Variants in HAUS3 observed in about 807,000 individuals in gnomAD.
The protein encoded by HAUS3 is HAUS augmin-like complex subunit 3.
Under a neutral mutation model 55.2 loss-of-function variants are expected in HAUS3, and 36 were observed. That is an observed-to-expected ratio of 0.65 (90% CI 0.50 to 0.86). HAUS3 has a LOEUF of 0.86. HAUS3 is among the 40% of genes least tolerant of loss of function. HAUS3 has a pLI of 0.00. For synonymous variants in HAUS3, 234 were observed against 238.6 expected (o/e 0.98, Z 0.18); for missense variants, 752 against 671.5 (o/e 1.12, Z -1.33).
At position 2,231,871 on chromosome 4, in the gene HAUS3, C is replaced by G. The variant is rs1734590031; in HGVS notation, c.*56G>C. On this transcript the variant is annotated 3_prime_UTR_variant, in exon 6 of 6. Transcript: ENST00000443786. ...AAAATTTAGTAGTGTTTATTATACA[C>G]AGTCTTCTAATAAATAAAAGAGGAC... The G allele has an allele frequency of 1.3e-6, 1 of 760,150 alleles. No individual in the cohort carries two copies. Among genetic ancestry groups the G allele is most frequent in the African/African-American group, 1.8e-5 (1 of 55,088 alleles). 47.1% of individuals were successfully genotyped at this position (760,150 alleles called of 1,614,324 possible).
rs1288211138 is a variant in HAUS3 at position 2,240,866 on chromosome 4, A to G, written c.81T>C (p.Phe27=). 1 of 1,612,024 alleles carries G rather than the reference A, an allele frequency of 6.2e-7. No individual in the cohort carries two copies. Among genetic ancestry groups the G allele is most frequent in the East Asian group, 2.2e-5 (1 of 44,886 alleles). Residue 27 remains phenylalanine (F), a synonymous_variant, in exon 3 of 6, where the codon TTT becomes TTC. Transcript: ENST00000443786. ...CTTCAACGCCCTCAAACAACCAGTCAAAGTCTTCTCCATTAAGATTATCAG... is the reference window on the plus strand; with the variant it reads ...CTTCAACGCCCTCAAACAACCAGTCGAAGTCTTCTCCATTAAGATTATCAG... The part of the protein sequence containing the change: ...PKADNLNGED[F]DWLFEGVEDE...
chr4:2,239,853 C>CA (rs1734906426), intron 3 of HAUS3, among the ~76,000 whole-genome samples, 185 bp downstream of exon 3: 2 of 152,180 alleles, frequency 1.3e-5, no homozygotes, highest in Admixed American at 6.5e-5. Context: ...TATTGCTGCC[C>CA]TCCATTAACG....
In HAUS3 at chr4:2,229,067, AAGAG is replaced by A; in HGVS notation, c.*2856_*2859del. The A allele has an allele frequency of 6.5e-7, 1 of 1,550,218 alleles. No individual in the cohort carries two copies. The highest frequency in any genetic ancestry group is 8.8e-7 in the Non-Finnish European group (1 of 1,134,826). ...TAGAACAATTAACATTCAAAGTATC[AAGAG>A]AAAGAAAGGTTCATAAAAATTACTT... On this transcript the variant is annotated 3_prime_UTR_variant, in exon 6 of 6. Transcript: ENST00000443786.
chr4:2,238,944 G>A lies in HAUS3; in HGVS notation c.1009C>T (p.Pro337Ser). The A allele has an allele frequency of 6.2e-7, 1 of 1,603,896 alleles. No homozygotes were observed. The highest frequency in any genetic ancestry group is 8.5e-7 in the Non-Finnish European group (1 of 1,175,220). ...EVTQIKDRSL[P>S]AVVRENAQLL... The stretch of plus-strand genomic sequence containing the variant: ...TGGGCATTCTCTCTTACCACAGCAG[G>A]TAAACTTCTGTCTTTTATTTGAGTG... The change falls in exon 4 of 6, where the codon CCT (proline) becomes TCT (serine). Residue 337 changes from proline (P) to serine (S), a missense_variant. Pro to Ser is a moderately conservative substitution (Grantham distance 74, BLOSUM62 -1). Transcript: ENST00000443786.
In HAUS3 at chr4:2,240,608, C is replaced by A. The variant is rs1734947539; in HGVS notation, c.339G>T (p.Lys113Asn). Residue 113 changes from lysine (K) to asparagine (N), a missense_variant, in exon 3 of 6, where the codon AAG (lysine) becomes AAT (asparagine). Lys to Asn is a moderately conservative substitution (Grantham distance 94). Coordinates refer to ENST00000443786, the MANE Select transcript of HAUS3 (RefSeq NM_001303143.2). ...EDEVQTLLKL[K>N]NLKIQRRNKC... is the part of the protein sequence containing the mutation. ...TATTACGTCGCTGAATTTTTAGGTT[C>A]TTTAATTTCAGTAGAGTTTGAACCT... 2 of 1,612,882 alleles carry A rather than the reference C, an allele frequency of 1.2e-6. No individual in the cohort carries two copies. Among genetic ancestry groups the A allele is most frequent in the African/African-American group, 1.3e-5 (1 of 74,762 alleles).
chr4:2,237,059 C>A (rs1734792046), intron 4 of HAUS3, among the ~76,000 whole-genome samples: 1 of 151,994 alleles, frequency 6.6e-6, no homozygotes, highest in African/African-American at 2.4e-5. Flanking sequence ...AGATATAAAA[C>A]TCTTCTTAAC....
Position 2,228,996 on chromosome 4 carries a change from T to C in HAUS3, c.*2931A>G. ...GAATGAGTGTAAAAGGGGCGGGAGC[T>C]GGGCTTCATCTGTCTACATGCATTC... On this transcript the variant is annotated 3_prime_UTR_variant, in exon 6 of 6. Coordinates refer to ENST00000443786, the MANE Select transcript of HAUS3 (RefSeq NM_001303143.2). 2 of 1,170,648 alleles carry C rather than the reference T, an allele frequency of 1.7e-6. No homozygotes were observed. The highest frequency in any genetic ancestry group is 1.2e-6 in the Non-Finnish European group (1 of 837,176). The allele number at this position is 1,170,648 out of a possible 1,614,324, so 72.5% of individuals were successfully genotyped here.
In HAUS3 at chr4:2,240,031, T is replaced by A. The variant is rs761194299; in HGVS notation, c.909+7A>T. On this transcript the variant is annotated splice_region_variant and intron_variant, in intron 3 of 5. Coordinates refer to ENST00000443786, the MANE Select transcript of HAUS3 (RefSeq NM_001303143.2). ...AATGTGAATCCAATCTCATTTCTTA[T>A]GCTTACCTTGCTGGTTAGGCTGTGA... 3 of 1,605,616 alleles carry A rather than the reference T, an allele frequency of 1.9e-6. No individual in the cohort carries two copies. The highest frequency in any genetic ancestry group is 1.7e-6 in the Non-Finnish European group (2 of 1,174,280).
chr4:2,237,440 G>C (rs1375202444), intron 4 of HAUS3, among the ~76,000 whole-genome samples: 1 of 149,116 alleles, frequency 6.7e-6, no homozygotes, highest in Non-Finnish European at 1.5e-5. Context: ...TGTCTTAAAA[G>C]GAAAGAAAGG....
rs757557291 is a variant in HAUS3 at position 2,232,061 on chromosome 4, A to G, written c.1678T>C (p.Leu560=). 6.3e-7 allele frequency: 1 copy of G among 1,589,496 alleles called. No individual in the cohort carries two copies. The highest frequency in any genetic ancestry group is 1.7e-5 in the Admixed American group (1 of 58,704). ...ATTTGATGTAATTTATTATTTGCCA[A>G]AGTTTTTCTTTTTGTCTTCACATCA... The part of the protein sequence containing the change: ...LADVKTKRKT[L]ANNKLHQMER... Residue 560 remains leucine, a synonymous_variant, in exon 6 of 6, where the codon TTG becomes CTG. Coordinates refer to ENST00000443786, the MANE Select transcript of HAUS3 (RefSeq NM_001303143.2).
At chr4:2,238,555 G>C in intron 4 of HAUS3, 49 bp downstream of exon 4, 1 of 1,270,904 alleles carries the variant, frequency 7.9e-7, no homozygotes, top group Non-Finnish European at 1.1e-6. Context: ...CTAGTATTTC[G>C]CAAAAACAAA....
chr4:2,235,758 T>C (rs1734738225), intron 5 of HAUS3, among the ~76,000 whole-genome samples: 1 of 152,168 alleles, frequency 6.6e-6, no homozygotes, highest in East Asian at 1.9e-4. Flanking sequence ...TATATATATA[T>C]GTGTGTATGT....
chr4:2,236,150 T>C (rs1047931833), intron 5 of HAUS3, 78 bp downstream of exon 5: 24 of 792,160 alleles, frequency 3.0e-5, no homozygotes, highest in African/African-American at 1.7e-5. Context: ...ATTTTCCTCA[T>C]GTTAACATTT....
rs1027020198 is a variant in HAUS3, at chr4:2,229,583, G to C, written c.*2344C>G. On this transcript the variant is annotated 3_prime_UTR_variant, in exon 6 of 6. Transcript: ENST00000443786. The stretch of plus-strand genomic sequence containing the variant: ...CTCATGCCTGTGATCCCTGCACTTT[G>C]GTAGACTGAGGCGGGTGGATCACCT... The C allele has an allele frequency of 1.9e-5, 3 of 159,284 alleles. No individual in the cohort carries two copies. The highest frequency in any genetic ancestry group is 7.2e-5 in the African/African-American group (3 of 41,568). The allele number at this position is 159,284 out of a possible 1,614,324, so 9.9% of individuals were successfully genotyped here. A position where few individuals can be genotyped will look rare whatever the true frequency, so the allele number is the denominator to read the frequency against.
chr4:2,233,654 CTTAT>C (rs1323652466), intron 5 of HAUS3, among the ~76,000 whole-genome samples: 1 of 152,160 alleles, frequency 6.6e-6, no homozygotes, highest in African/African-American at 2.4e-5. Context: ...TTTAAATTGA[CTTAT>C]TTTTTTCCTT....
intron 5 of HAUS3, 120 bp from the exon 6 acceptor site, chr4:2,232,280 C>A: frequency 2.0e-6 from 1 of 506,410 alleles, no homozygotes; most frequent in Non-Finnish European, 3.4e-6. Flanking sequence ...GCAATTTTAG[C>A]AATAAATAAA....
chr4:2,237,386 T>C (rs1219369328), intron 4 of HAUS3, among the ~76,000 whole-genome samples: 1 of 151,216 alleles, frequency 6.6e-6, no homozygotes, highest in Non-Finnish European at 1.5e-5. Flanking sequence ...CAGTGAGCTA[T>C]CATCACATCA....
In HAUS3 at chr4:2,241,624, G is replaced by A; in HGVS notation, c.-252C>T. ...GCGCGGCCACAATTAAGGGTGCTTCGGGCCGGCCTTCAGCCAGCGCTGAGG... is the reference window on the plus strand; with the variant it reads ...GCGCGGCCACAATTAAGGGTGCTTCAGGCCGGCCTTCAGCCAGCGCTGAGG... On this transcript the variant is annotated 5_prime_UTR_variant, in exon 2 of 6. Coordinates refer to ENST00000443786, the MANE Select transcript of HAUS3 (RefSeq NM_001303143.2). 5.1e-6 allele frequency: 5 copies of A among 985,432 alleles called. No individual in the cohort carries two copies. Among genetic ancestry groups the A allele is most frequent in the Non-Finnish European group, 6.0e-6 (5 of 829,940 alleles). The allele number at this position is 985,432 out of a possible 1,614,324, so 61.0% of individuals were successfully genotyped here.
In HAUS3 at chr4:2,240,249, G is replaced by A. The variant is rs1273720590; in HGVS notation, c.698C>T (p.Ser233Leu). Residue 233 changes from serine to leucine, a missense_variant, in exon 3 of 6, where the codon TCA (serine) becomes TTA (leucine). Transcript: ENST00000443786. ...FQGIHEVVES[S>L]NEDNFQLLDI... Reference sequence around the variant, plus strand: ...TAAAAGTTGAAAATTGTCTTCATTTGAACTTTCAACTACTTCATGTATACC... The same window carrying A: ...TAAAAGTTGAAAATTGTCTTCATTTAAACTTTCAACTACTTCATGTATACC... The A allele has an allele frequency of 6.2e-7, 1 of 1,613,296 alleles. No homozygotes were observed. Among genetic ancestry groups the A allele is most frequent in the African/African-American group, 1.3e-5 (1 of 74,880 alleles).
Sources: allele counts gnomAD v4.1 joint callset (sites outside exome capture counted in the v4.1 genomes callset), GRCh38; gene constraint gnomAD v4.1.1; transcripts MANE v1.5; gene names NCBI Gene and HGNC (gene_info 2026-07-23, HGNC 2026-07-21).